The following FKBP14 variants were observed in gnomAD, a reference collection of about 807,000 sequenced individuals.
The protein encoded by FKBP14 is FKBP prolyl isomerase 14, also known as peptidyl-prolyl cis-trans isomerase FKBP14.
A neutral mutation model predicts 21.6 loss-of-function variants in FKBP14; 20 were observed. The observed-to-expected ratio is 0.92, with a 90% CI of 0.65 to 1.34. FKBP14 has a LOEUF of 1.34. Ranked by LOEUF, FKBP14 falls within the 40% of genes most tolerant of loss-of-function variation. The probability of loss-of-function intolerance (pLI) is 0.00; values close to 1 mark genes in which losing one functional copy is unlikely to be tolerated. For synonymous variants in FKBP14, 79 were observed against 86.7 expected, an observed-to-expected ratio of 0.91 and a Z score of 0.49; for missense variants, 253 against 249.0, an observed-to-expected ratio of 1.02 and a Z score of -0.11.
intron 3 of FKBP14, among the ~76,000 whole-genome samples, chr7:30,016,457 G>A (rs376306943): frequency 6.6e-6 from 1 of 151,598 alleles, no homozygotes; most frequent in Admixed American, 6.6e-5. Flanking sequence ...ATAGTGGCAC[G>A]ATCTCGGCCC....
At chr7:30,021,640 C>T (rs919900696) in intron 2 of FKBP14, among the ~76,000 whole-genome samples, 3 of 151,946 alleles carry the variant, frequency 2.0e-5, no homozygotes, top group Non-Finnish European at 4.4e-5. Flanking sequence ...ATTGCAACCT[C>T]TGCCTCACAT....
chr7:30,015,921 G>A (rs1043671405), intron 3 of FKBP14, among the ~76,000 whole-genome samples: 25 of 146,386 alleles, frequency 1.7e-4, no homozygotes, highest in East Asian at 8.3e-4. Flanking sequence ...CACCGCGCCC[G>A]GCCTTTTAGA....
In FKBP14 at chr7:30,011,266, C is replaced by G. The variant is rs1049221918; in HGVS notation, c.*3469G>C. On this transcript the variant is annotated 3_prime_UTR_variant, in exon 4 of 4. Coordinates refer to ENST00000222803, the MANE Select transcript of FKBP14 (RefSeq NM_017946.4). Reference sequence around the variant, plus strand: ...ATGTTGGCCCGGCTGGTCCCAAACTCATGACCTCGAGTGATCCACCCACCT... The same window carrying G: ...ATGTTGGCCCGGCTGGTCCCAAACTGATGACCTCGAGTGATCCACCCACCT... 3.3e-5 allele frequency: 5 copies of G among 151,670 alleles called. No homozygotes were observed. The highest frequency in any genetic ancestry group is 4.8e-5 in the African/African-American group (2 of 41,250). The allele number at this position is 151,670 out of a possible 1,614,324, so 9.4% of individuals were successfully genotyped here. A position where few individuals can be genotyped will look rare whatever the true frequency, so the allele number is the denominator to read the frequency against.
intron 1 of FKBP14, among the ~76,000 whole-genome samples, chr7:30,023,152 T>C (rs1188242636): frequency 6.6e-6 from 1 of 152,208 alleles, no homozygotes; most frequent in Non-Finnish European, 1.5e-5. Context: ...AATAAGTCTA[T>C]AATATAAGTA....
At chr7:30,009,605 C>T (rs79852556), downstream of FKBP14, among the ~76,000 whole-genome samples, 3,218 of 152,124 alleles carry the variant, frequency 0.021, 51 homozygotes, top group East Asian at 0.041. Flanking sequence ...TCCTTTTTCT[C>T]CTCTTGCAAT....
At position 30,026,564 on chromosome 7, in the gene FKBP14, C is replaced by G. The variant is rs532528868; in HGVS notation, c.-56G>C. On this transcript the variant is annotated 5_prime_UTR_variant, in exon 1 of 4. An upstream start codon of the reference 5' UTR is lost. Coordinates refer to ENST00000222803, the MANE Select transcript of FKBP14 (RefSeq NM_017946.4). The stretch of plus-strand genomic sequence containing the variant: ...AAAGCAGCGAAAGGTCCCTCGACTT[C>G]ATAGATTTAAGAACGTAGTTCAAGG... 5.2e-5 allele frequency: 79 copies of G among 1,516,396 alleles called. 1 individual carries two copies. In the South Asian group the frequency reaches 9.2e-4, roughly 18 times the overall value. 93.9% of individuals were successfully genotyped at this position (1,516,396 alleles called of 1,614,324 possible).
chr7:30,015,461 GCTCT>G (rs890917591), intron 3 of FKBP14, among the ~76,000 whole-genome samples: 3 of 148,114 alleles, frequency 2.0e-5, no homozygotes, highest in African/African-American at 7.5e-5. Flanking sequence ...TATATATATA[GCTCT>G]CTCTATATAT....
Position 30,013,949 on chromosome 7 carries a change from C to T in FKBP14, c.*786G>A, listed in dbSNP as rs1335682935. On this transcript the variant is annotated 3_prime_UTR_variant, in exon 4 of 4. Coordinates refer to ENST00000222803, the MANE Select transcript of FKBP14 (RefSeq NM_017946.4). ...GGTGATCTCGGCTTACCGCAACCTCCGCCTCCGGGTTCAAGTGATTCTGCC... is the reference window on the plus strand; with the variant it reads ...GGTGATCTCGGCTTACCGCAACCTCTGCCTCCGGGTTCAAGTGATTCTGCC... 4 of 152,092 alleles carry T rather than the reference C, an allele frequency of 2.6e-5. No homozygotes were observed. Among genetic ancestry groups the T allele is most frequent in the East Asian group, 3.9e-4 (2 of 5,178 alleles). The allele number at this position is 152,092 out of a possible 1,614,324, so 9.4% of individuals were successfully genotyped here. A position where few individuals can be genotyped will look rare whatever the true frequency, so the allele number is the denominator to read the frequency against.
chr7:30,009,679 T>C (rs546902568), downstream of FKBP14, among the ~76,000 whole-genome samples: 292 of 152,132 alleles, frequency 1.9e-3, no homozygotes, highest in Non-Finnish European at 3.4e-3. Context: ...CATGCTGACC[T>C]CTATGTAGCA....
rs1278898128 is a variant in FKBP14 at position 30,018,856 on chromosome 7, T to C, written c.477+140A>G. On this transcript the variant is annotated intron_variant, in intron 3 of 3. Coordinates refer to ENST00000222803, the MANE Select transcript of FKBP14 (RefSeq NM_017946.4). ...AGCATCAGTATTTTAAGAAAACTTATAAATAAATGTTACCTAAATAAAAGT... is the reference window on the plus strand; with the variant it reads ...AGCATCAGTATTTTAAGAAAACTTACAAATAAATGTTACCTAAATAAAAGT... 6.0e-6 allele frequency: 5 copies of C among 829,722 alleles called. No homozygotes were observed. In the East Asian group the frequency reaches 9.5e-5, roughly 16 times the overall value. The allele number at this position is 829,722 out of a possible 1,614,324, so 51.4% of individuals were successfully genotyped here.
At chr7:30,023,845 C>T (rs1211820761) in intron 1 of FKBP14, among the ~76,000 whole-genome samples, 1 of 152,142 alleles carries the variant, frequency 6.6e-6, no homozygotes, top group Non-Finnish European at 1.5e-5. Context: ...AAAACCTGCC[C>T]TCATGATTCG....
At position 30,019,143 on chromosome 7, in the gene FKBP14, CAG is replaced by C; in HGVS notation, c.350-22_350-21del. The stretch of plus-strand genomic sequence containing the variant: ...TTTTACCTGACGTGAGGAAAGAAGG[CAG>C]AAAGTTTTAAAAGAGCCAAAAGTTT... On this transcript the variant is annotated intron_variant, in intron 2 of 3. Coordinates refer to ENST00000222803, the MANE Select transcript of FKBP14 (RefSeq NM_017946.4). The C allele has an allele frequency of 1.3e-6, 2 of 1,552,908 alleles. No homozygotes were observed. The highest frequency in any genetic ancestry group is 1.7e-6 in the Non-Finnish European group (2 of 1,161,112).
At chr7:30,015,262 A>G (rs1789850868) in intron 3 of FKBP14, among the ~76,000 whole-genome samples, 1 of 151,826 alleles carries the variant, frequency 6.6e-6, no homozygotes, top group Admixed American at 6.6e-5. Context: ...AAAAATACAA[A>G]AAAAAGTTAG....
At position 30,019,098 on chromosome 7, in the gene FKBP14, C is replaced by G. The variant is rs143268242; in HGVS notation, c.375G>C (p.Leu125=). The G allele has an allele frequency of 1.1e-3, 1,771 of 1,581,300 alleles. 7 individuals are homozygous for G. The highest frequency in any genetic ancestry group is 1.0e-3 in the Non-Finnish European group (1,202 of 1,170,216). The part of the protein sequence containing the change: ...GKGKIPPEST[L]IFNIDLLEIR... ...TCTCCAGGAGATCAATATTAAATATCAGTGTACTTTCTGGGGGAATTTTAC... is the reference window on the plus strand; with the variant it reads ...TCTCCAGGAGATCAATATTAAATATGAGTGTACTTTCTGGGGGAATTTTAC... The change falls in exon 3 of 4, where the codon CTG becomes CTC. Residue 125 remains leucine (L), a synonymous_variant. Transcript: ENST00000222803.
intron 2 of FKBP14, among the ~76,000 whole-genome samples, chr7:30,020,599 TTAAAAA>T (rs1176076263): frequency 2.6e-5 from 4 of 152,152 alleles, no homozygotes; most frequent in Admixed American, 6.5e-5. Flanking sequence ...TAGTAACAGA[TTAAAAA>T]TAATAAAATA....
At chr7:30,020,265 G>A (rs1327286651) in intron 2 of FKBP14, 14 of 1,273,660 alleles carry the variant, frequency 1.1e-5, no homozygotes, top group Non-Finnish European at 1.4e-5. Flanking sequence ...GATAAAACTG[G>A]TATCTTTCCA....
chr7:30,019,186 T>A, intron 2 of FKBP14, 63 bp from the exon 3 acceptor site: 1 of 1,505,292 alleles, frequency 6.6e-7, no homozygotes, highest in South Asian at 1.3e-5. Context: ...ATAGAAAATT[T>A]ATGGTAATGG....
At chr7:30,015,524 A>C (rs1274043603) in intron 3 of FKBP14, among the ~76,000 whole-genome samples, 1 of 151,668 alleles carries the variant, frequency 6.6e-6, no homozygotes, top group African/African-American at 2.4e-5. Flanking sequence ...TACAATCCTC[A>C]TATAGGGCTT....
Position 30,014,473 on chromosome 7 carries a change from A to G in FKBP14, c.*262T>C, listed in dbSNP as rs1314544876. ...ATTTTAAATTTATAAGTGAGAAAGT[A>G]AAACAAAGCTTCATATCTGTGAAAG... On this transcript the variant is annotated 3_prime_UTR_variant, in exon 4 of 4. Transcript: ENST00000222803. 4.3e-6 allele frequency: 1 copy of G among 231,512 alleles called. No individual in the cohort carries two copies. The highest frequency in any genetic ancestry group is 2.2e-5 in the African/African-American group (1 of 44,504). 14.3% of individuals were successfully genotyped at this position (231,512 alleles called of 1,614,324 possible). A position where few individuals can be genotyped will look rare whatever the true frequency, so the allele number is the denominator to read the frequency against.
Sources: allele counts gnomAD v4.1 joint callset (sites outside exome capture counted in the v4.1 genomes callset), GRCh38; gene constraint gnomAD v4.1.1; transcripts MANE v1.5; gene names NCBI Gene and HGNC (gene_info 2026-07-23, HGNC 2026-07-21).